Variants in DPP10 observed in about 807,000 individuals in gnomAD.
DPP10 encodes the protein inactive dipeptidyl peptidase 10.
Under a neutral mutation model 120.9 loss-of-function variants are expected in DPP10, and 33 were observed. The ratio of observed to expected loss-of-function variants is 0.27; its 90% CI spans 0.21 to 0.37. The LOEUF (loss-of-function observed/expected upper bound fraction) is 0.37. Among genes scored for constraint, DPP10 ranks in the 10% least tolerant of loss-of-function variants. The pLI is 1.00. For missense variants in DPP10, 816 were observed against 942.8 expected (o/e 0.87, Z 1.76); for synonymous variants, 337 against 326.1 (o/e 1.03, Z -0.36).
At chr2:115,589,764 G>C (rs1163795124) in intron 5 of DPP10, among the ~76,000 whole-genome samples, 1 of 152,148 alleles carries the variant, frequency 6.6e-6, no homozygotes, top group African/African-American at 2.4e-5. Flanking sequence ...ACTTTAACTT[G>C]AGTTGACATT....
intron 2 of DPP10, among the ~76,000 whole-genome samples, chr2:115,314,635 A>G (rs796965857): frequency 2.1e-4 from 32 of 152,308 alleles, no homozygotes; most frequent in African/African-American, 7.0e-4. Context: ...TTTCACTTCT[A>G]GAAGTGTCTC....
At chr2:114,758,183 G>T (rs1393418977) in intron 1 of DPP10, among the ~76,000 whole-genome samples, 1 of 152,134 alleles carries the variant, frequency 6.6e-6, no homozygotes, top group African/African-American at 2.4e-5. Flanking sequence ...GATTAAAAAA[G>T]AAAAAGTCAG....
chr2:115,710,646 A>C (rs1054554452), intron 7 of DPP10, among the ~76,000 whole-genome samples: 2 of 152,108 alleles, frequency 1.3e-5, no homozygotes, highest in African/African-American at 4.8e-5. Context: ...GAAACAAGTC[A>C]CTATAAAATG....
At chr2:114,686,038 A>G (rs1699343246) in intron 1 of DPP10, among the ~76,000 whole-genome samples, 2 of 151,848 alleles carry the variant, frequency 1.3e-5, no homozygotes. Context: ...TCCAGTTTCC[A>G]GTATAGGACA....
At chr2:114,647,211 A>C (rs1258534572) in intron 1 of DPP10, among the ~76,000 whole-genome samples, 1 of 152,192 alleles carries the variant, frequency 6.6e-6, no homozygotes, top group Non-Finnish European at 1.5e-5. Context: ...CCAGGTGTCC[A>C]TCTTTCTATC....
At chr2:115,707,277 A>G (rs1217006896) in intron 7 of DPP10, among the ~76,000 whole-genome samples, 4 of 151,952 alleles carry the variant, frequency 2.6e-5, no homozygotes, top group African/African-American at 4.8e-5. Flanking sequence ...ATAGAACACT[A>G]TATGTGATAA....
chr2:114,975,598 C>G (rs1353677896), intron 1 of DPP10, among the ~76,000 whole-genome samples: 1 of 152,112 alleles, frequency 6.6e-6, no homozygotes, highest in Non-Finnish European at 1.5e-5. Flanking sequence ...CTTATTATTT[C>G]TATCTTAACT....
intron 5 of DPP10, among the ~76,000 whole-genome samples, chr2:115,623,985 C>T (rs2085173089): frequency 1.3e-5 from 2 of 151,928 alleles, no homozygotes; most frequent in Admixed American, 6.6e-5. Flanking sequence ...TCTAGTGCTA[C>T]GTGACCTTTT....
At chr2:114,938,555 C>A (rs1696655662) in intron 1 of DPP10, among the ~76,000 whole-genome samples, 1 of 152,048 alleles carries the variant, frequency 6.6e-6, no homozygotes, top group African/African-American at 2.4e-5. Context: ...ATGGAGATAT[C>A]TTTTTCCATT....
At chr2:114,623,779 G>A (rs1244635442) in intron 1 of DPP10, among the ~76,000 whole-genome samples, 1 of 152,064 alleles carries the variant, frequency 6.6e-6, no homozygotes, top group African/African-American at 2.4e-5. Context: ...TTGGTGCATT[G>A]TCTAAAAATC....
chr2:114,886,150 AT>A (rs1290242397), intron 1 of DPP10, among the ~76,000 whole-genome samples: 8 of 152,206 alleles, frequency 5.3e-5, no homozygotes, highest in Admixed American at 5.2e-4. Context: ...TGCTGGAAGA[AT>A]GTACACTTTT....
chr2:115,348,917 A>G (rs1488233045), intron 3 of DPP10, among the ~76,000 whole-genome samples: 1 of 152,134 alleles, frequency 6.6e-6, no homozygotes, highest in African/African-American at 2.4e-5. Flanking sequence ...TGTACCCACA[A>G]TTAAACCTAC....
chr2:114,652,423 T>G (rs542802901), intron 1 of DPP10, among the ~76,000 whole-genome samples: 1 of 152,294 alleles, frequency 6.6e-6, no homozygotes, highest in East Asian at 1.9e-4. Flanking sequence ...AGAAGTAAAT[T>G]TCCATGGGAG....
intron 4 of DPP10, 64 bp downstream of exon 4, chr2:115,499,668 A>G (rs895317746): frequency 7.4e-6 from 9 of 1,222,694 alleles, no homozygotes; most frequent in Admixed American, 2.2e-5. Flanking sequence ...CTCTAGATGT[A>G]CATAACTTTC....
intron 5 of DPP10, among the ~76,000 whole-genome samples, chr2:115,653,360 G>A (rs967829375): frequency 1.3e-5 from 2 of 151,766 alleles, no homozygotes; most frequent in African/African-American, 4.8e-5. Flanking sequence ...AATATCTAAC[G>A]CTAGCATTTT....
chr2:114,587,794 T>C (rs1174630451), intron 1 of DPP10, among the ~76,000 whole-genome samples: 1 of 152,216 alleles, frequency 6.6e-6, no homozygotes, highest in Non-Finnish European at 1.5e-5. Flanking sequence ...GTTAGCATGG[T>C]GGGAGCACAT....
intron 1 of DPP10, among the ~76,000 whole-genome samples, chr2:114,814,649 C>CT (rs1249483545): frequency 6.6e-6 from 1 of 152,080 alleles, no homozygotes; most frequent in Non-Finnish European, 1.5e-5. Flanking sequence ...CATGCAGTGG[C>CT]TGCAGGACCT....
At chr2:115,129,020 A>G (rs1433447958) in intron 1 of DPP10, among the ~76,000 whole-genome samples, 1 of 152,228 alleles carries the variant, frequency 6.6e-6, no homozygotes, top group Admixed American at 6.5e-5. Flanking sequence ...GAGGAAACCC[A>G]TCAAAGGATA....
intron 3 of DPP10, among the ~76,000 whole-genome samples, chr2:115,359,131 A>G (rs2064603998): frequency 1.3e-5 from 2 of 152,154 alleles, no homozygotes; most frequent in South Asian, 2.1e-4. Flanking sequence ...GATCATTTGC[A>G]TTCATCGTTA....
Sources: allele counts gnomAD v4.1 joint callset (sites outside exome capture counted in the v4.1 genomes callset), GRCh38; gene constraint gnomAD v4.1.1; transcripts MANE v1.5; gene names NCBI Gene and HGNC (gene_info 2026-07-23, HGNC 2026-07-21).